The following TMCC1 variants were observed in gnomAD, a reference collection of about 807,000 sequenced individuals.
TMCC1 encodes transmembrane and coiled-coil domains protein 1.
TMCC1 carries 15 observed loss-of-function variants against 52.4 expected under a neutral mutation model. The observed-to-expected ratio is 0.29, with a 90% CI of 0.19 to 0.44. The LOEUF is 0.44. Among genes scored for constraint, TMCC1 ranks in the 20% least tolerant of loss-of-function variants. The pLI, the probability that TMCC1 is intolerant of heterozygous loss-of-function variation, is 1.00. For missense variants in TMCC1, 503 were observed against 806.0 expected, an observed-to-expected ratio of 0.62 and a Z score of 4.55; for synonymous variants, 279 against 301.9, an observed-to-expected ratio of 0.92 and a Z score of 0.79.
intron 2 of TMCC1, among the ~76,000 whole-genome samples, chr3:129,867,741 A>G (rs1237753004): frequency 6.6e-6 from 1 of 152,224 alleles, no homozygotes; most frequent in African/African-American, 2.4e-5. Flanking sequence ...CTTATTTTCA[A>G]GAAACTGACT....
At chr3:129,769,857 T>C (rs1292941844) in intron 4 of TMCC1, among the ~76,000 whole-genome samples, 1 of 152,230 alleles carries the variant, frequency 6.6e-6, no homozygotes, top group Non-Finnish European at 1.5e-5. Flanking sequence ...GCAAAAGTAC[T>C]TTTTAAATGC....
At chr3:129,846,150 T>C (rs1016005714) in intron 2 of TMCC1, among the ~76,000 whole-genome samples, 1 of 151,296 alleles carries the variant, frequency 6.6e-6, no homozygotes, top group African/African-American at 2.4e-5. Context: ...CCAAAAGGCG[T>C]TGGGGGAAAA....
At chr3:129,798,083 C>T (rs1012038984) in intron 4 of TMCC1, among the ~76,000 whole-genome samples, 3 of 151,048 alleles carry the variant, frequency 2.0e-5, no homozygotes, top group African/African-American at 7.3e-5. Flanking sequence ...GCAACCTCTG[C>T]CTCCCAGGTT....
chr3:129,700,490 T>C (rs1179683072), intron 4 of TMCC1, among the ~76,000 whole-genome samples: 1 of 152,216 alleles, frequency 6.6e-6, no homozygotes, highest in African/African-American at 2.4e-5. Flanking sequence ...AAAATCTTTT[T>C]TTTTTGAGAC....
intron 4 of TMCC1, among the ~76,000 whole-genome samples, chr3:129,781,599 GA>G (rs1358343949): frequency 2.6e-5 from 4 of 152,104 alleles, no homozygotes; most frequent in African/African-American, 9.7e-5. Context: ...AGCTAGCAAA[GA>G]ACAGCAAGGG....
chr3:129,713,769 G>T (rs866755349), intron 4 of TMCC1, among the ~76,000 whole-genome samples: 4 of 146,490 alleles, frequency 2.7e-5, no homozygotes, highest in Admixed American at 6.8e-5. Flanking sequence ...GAAATTAAAA[G>T]AATTATCTCA....
intron 4 of TMCC1, among the ~76,000 whole-genome samples, chr3:129,679,815 T>C (rs977011051): frequency 6.6e-6 from 1 of 152,240 alleles, no homozygotes. Flanking sequence ...ACTTAGCAGC[T>C]GCTCAAATAT....
Position 129,651,937 on chromosome 3 carries a change from G to T in TMCC1, c.1648-142C>A. 1 of 967,358 alleles carries T rather than the reference G, an allele frequency of 1.0e-6. No individual in the cohort carries two copies. Among genetic ancestry groups the T allele is most frequent in the Non-Finnish European group, 1.5e-6 (1 of 672,892 alleles). The allele number at this position is 967,358 out of a possible 1,614,324, so 59.9% of individuals were successfully genotyped here. On this transcript the variant is annotated intron_variant, in intron 6 of 6. Coordinates refer to ENST00000393238, the MANE Select transcript of TMCC1 (RefSeq NM_001017395.5). The surrounding 1 kb of genome is among the most constrained non-coding windows in gnomAD (Gnocchi z 5.1). ...GCTGGAGCCTTGAATGAATGTAAAAGGCTAGATGTATAACTCACTATTCAA... is the reference window on the plus strand; with the variant it reads ...GCTGGAGCCTTGAATGAATGTAAAATGCTAGATGTATAACTCACTATTCAA...
At chr3:129,818,201 C>A (rs1304869697) in intron 4 of TMCC1, among the ~76,000 whole-genome samples, 1 of 151,884 alleles carries the variant, frequency 6.6e-6, no homozygotes. Context: ...CCTCAGCATC[C>A]CAAAGTGCTG....
Position 129,749,452 on chromosome 3 carries a change from C to A in TMCC1, c.577-78188G>T, listed in dbSNP as rs78877226. Among the ~76,000 whole-genome samples the A allele has an allele frequency of 2.0e-4, 31 of 152,080 alleles. No homozygotes were observed. In the East Asian group the frequency reaches 5.8e-3, roughly 28 times the overall value. ...GAAAGAAAAGATATGGGGTTCTGAGCAGCTTAAGATAGGTATGAGATGCTT... is the reference window on the plus strand; with the variant it reads ...GAAAGAAAAGATATGGGGTTCTGAGAAGCTTAAGATAGGTATGAGATGCTT... On this transcript the variant is annotated intron_variant, in intron 4 of 6. Coordinates refer to ENST00000393238, the MANE Select transcript of TMCC1 (RefSeq NM_001017395.5).
chr3:129,876,513 G>C (rs1177666926), intron 2 of TMCC1, among the ~76,000 whole-genome samples: 2 of 152,000 alleles, frequency 1.3e-5, no homozygotes, highest in African/African-American at 4.8e-5. Context: ...AAATAAAGGA[G>C]CCAGGTTCAG....
At chr3:129,814,163 A>G (rs1474503843) in intron 4 of TMCC1, among the ~76,000 whole-genome samples, 1 of 152,170 alleles carries the variant, frequency 6.6e-6, no homozygotes. Flanking sequence ...CCTGAGCGTA[A>G]GGTTTAGATA....
intron 4 of TMCC1, among the ~76,000 whole-genome samples, chr3:129,693,481 A>G (rs1364928179): frequency 6.9e-6 from 1 of 144,752 alleles, no homozygotes; most frequent in Admixed American, 6.9e-5. Context: ...AACTCTTTTG[A>G]TCTTGCCTTC....
At chr3:129,707,191 G>A (rs895747966) in intron 4 of TMCC1, among the ~76,000 whole-genome samples, 12 of 152,162 alleles carry the variant, frequency 7.9e-5, no homozygotes, top group Admixed American at 2.6e-4. Context: ...TTCACTTCTA[G>A]TTCTCCAGTA....
At chr3:129,772,967 G>A (rs950627123) in intron 4 of TMCC1, among the ~76,000 whole-genome samples, 1 of 152,074 alleles carries the variant, frequency 6.6e-6, no homozygotes, top group African/African-American at 2.4e-5. Flanking sequence ...AACCTCTTTC[G>A]ATGGAAATAT....
chr3:129,770,312 T>C (rs2054454375), intron 4 of TMCC1, among the ~76,000 whole-genome samples: 1 of 152,144 alleles, frequency 6.6e-6, no homozygotes, highest in East Asian at 1.9e-4. Context: ...GGCCAGGAGC[T>C]GGAGAGCAGC....
intron 2 of TMCC1, among the ~76,000 whole-genome samples, chr3:129,838,139 G>A (rs77093217): frequency 0.1 from 15,475 of 152,234 alleles, 969 homozygotes; most frequent in African/African-American, 0.17. Flanking sequence ...GGCTGGGCAT[G>A]GTGCCTCATG....
intron 4 of TMCC1, among the ~76,000 whole-genome samples, chr3:129,806,366 A>G (rs2057465409): frequency 6.6e-6 from 1 of 152,248 alleles, no homozygotes; most frequent in African/African-American, 2.4e-5. Flanking sequence ...CCAACAGATG[A>G]GAATTTCAGT....
At chr3:129,785,938 T>TC in intron 4 of TMCC1, among the ~76,000 whole-genome samples, 1 of 149,198 alleles carries the variant, frequency 6.7e-6, no homozygotes, top group African/African-American at 2.5e-5. Context: ...ACCCCCTTTT[T>TC]TTTTTTTTTT....
Sources: allele counts gnomAD v4.1 joint callset (sites outside exome capture counted in the v4.1 genomes callset), GRCh38; gene constraint gnomAD v4.1.1; non-coding constraint Gnocchi (gnomAD v3.1); transcripts MANE v1.5; gene names NCBI Gene and HGNC (gene_info 2026-07-23, HGNC 2026-07-21).